OSBP2: variants seen among roughly 807,000 people sequenced by gnomAD.
OSBP2 encodes oxysterol binding protein 2.
Under a neutral mutation model 96.0 loss-of-function variants are expected in OSBP2, and 66 were observed. The ratio of observed to expected loss-of-function variants is 0.69; its 90% CI spans 0.56 to 0.84. The LOEUF is 0.84. Ranked by LOEUF, OSBP2 falls within the 40% of genes least tolerant of loss-of-function variation. The probability of loss-of-function intolerance (pLI) is 0.00; values close to 1 mark genes in which losing one functional copy is unlikely to be tolerated. For synonymous variants in OSBP2, 525 were observed against 520.9 expected (o/e 1.01, Z -0.11); for missense variants, 1,038 against 1,222.7 (o/e 0.85, Z 2.25).
In OSBP2 at chr22:30,881,979, G is replaced by C. The variant is rs1231817235; in HGVS notation, c.1108-5447G>C. ...AGGTGACTGTGACACTCTACGACCT[G>C]CATGTGCCCAGCCTAGGCACATGTA... On this transcript the variant is annotated intron_variant, in intron 3 of 13. Coordinates refer to ENST00000332585, the MANE Select transcript of OSBP2 (RefSeq NM_030758.4). This position sits in a 1 kb window ranked among gnomAD's most constrained non-coding sequence, Gnocchi z 4.5. 6.6e-6 allele frequency among the ~76,000 whole-genome samples: 1 copy of C among 152,168 alleles called. No homozygotes were observed. Among genetic ancestry groups the C allele is most frequent in the Admixed American group, 6.5e-5 (1 of 15,290 alleles).
chr22:30,790,653 TAAAA>T (rs136297), intron 2 of OSBP2, among the ~76,000 whole-genome samples: 4 of 136,956 alleles, frequency 2.9e-5, no homozygotes, highest in Non-Finnish European at 3.1e-5. Flanking sequence ...CAAACTGCAT[TAAAA>T]AAAAAAAAAA....
At chr22:30,813,568 T>A (rs1178367200) in intron 2 of OSBP2, among the ~76,000 whole-genome samples, 1 of 152,092 alleles carries the variant, frequency 6.6e-6, no homozygotes, top group Non-Finnish European at 1.5e-5. Context: ...GCAAGCTATA[T>A]AGCCATGCTG....
chr22:30,813,963 CA>C (rs1250556411), intron 2 of OSBP2, among the ~76,000 whole-genome samples: 1 of 151,896 alleles, frequency 6.6e-6, no homozygotes, highest in Non-Finnish European at 1.5e-5. Flanking sequence ...CCATCACGTC[CA>C]GCAAATTTTT....
intron 2 of OSBP2, among the ~76,000 whole-genome samples, chr22:30,805,673 T>TGTTCAAACTGTGAA (rs1442290177): frequency 3.3e-5 from 5 of 152,210 alleles, no homozygotes; most frequent in Non-Finnish European, 7.3e-5. Context: ...TTTGTGTTTA[T>TGTTCAAACTGTGAA]GTTCAAACTG....
chr22:30,705,712 G>T (rs1279094700), intron 1 of OSBP2, among the ~76,000 whole-genome samples: 1 of 152,172 alleles, frequency 6.6e-6, no homozygotes, highest in East Asian at 1.9e-4. Context: ...CTGACAAGAA[G>T]TCTGAAACGT....
intron 1 of OSBP2, among the ~76,000 whole-genome samples, chr22:30,721,133 A>T (rs755774110): frequency 6.6e-6 from 1 of 152,116 alleles, no homozygotes; most frequent in Non-Finnish European, 1.5e-5. Flanking sequence ...AGGCTGAGGC[A>T]GGAGAATTGC....
At chr22:30,874,295 C>G (rs929076538) in intron 3 of OSBP2, among the ~76,000 whole-genome samples, 1 of 151,332 alleles carries the variant, frequency 6.6e-6, no homozygotes, top group Non-Finnish European at 1.5e-5. Flanking sequence ...TCTTGTAGTC[C>G]CAGCTACTCA....
intron 1 of OSBP2, among the ~76,000 whole-genome samples, chr22:30,739,071 C>T (rs1419898657): frequency 3.9e-5 from 6 of 152,132 alleles, no homozygotes; most frequent in East Asian, 1.9e-4. Context: ...TTTATTATGT[C>T]GTAGGGGTTC....
intron 2 of OSBP2, among the ~76,000 whole-genome samples, chr22:30,819,490 C>G (rs1006861010): frequency 2.0e-5 from 3 of 152,204 alleles, no homozygotes; most frequent in African/African-American, 7.2e-5. Context: ...TCAGTCTCTT[C>G]GGCTTCCTTG....
intron 3 of OSBP2, among the ~76,000 whole-genome samples, chr22:30,883,130 G>A (rs1042402026): frequency 5.9e-5 from 9 of 152,352 alleles, no homozygotes; most frequent in Middle Eastern, 6.8e-3. Context: ...AGGGATGAGG[G>A]AGGGCGGGGC....
At chr22:30,822,311 G>A (rs1468943690) in intron 2 of OSBP2, among the ~76,000 whole-genome samples, 1 of 152,242 alleles carries the variant, frequency 6.6e-6, no homozygotes, top group Non-Finnish European at 1.5e-5. Context: ...ATTGAAGTGG[G>A]GAGCCTGCAT....
chr22:30,727,242 G>A (rs136370), intron 1 of OSBP2, among the ~76,000 whole-genome samples: 129,607 of 152,194 alleles, frequency 0.85, 55,328 homozygotes, highest in East Asian at 0.98. Flanking sequence ...GGCTCCTAAC[G>A]GTGTCCCCTT....
chr22:30,797,937 C>G (rs536165322), intron 2 of OSBP2, among the ~76,000 whole-genome samples: 1 of 152,296 alleles, frequency 6.6e-6, no homozygotes, highest in East Asian at 1.9e-4. Flanking sequence ...CTTTGAGACC[C>G]TGGTATATGC....
At chr22:30,763,120 C>A (rs2145775792) in intron 2 of OSBP2, among the ~76,000 whole-genome samples, 1 of 152,290 alleles carries the variant, frequency 6.6e-6, no homozygotes, top group South Asian at 2.1e-4. Flanking sequence ...CTTAGAGGTG[C>A]TGTGAGGATT....
At chr22:30,729,967 G>T (rs1569099689) in intron 1 of OSBP2, among the ~76,000 whole-genome samples, 1 of 151,008 alleles carries the variant, frequency 6.6e-6, no homozygotes, top group Admixed American at 6.6e-5. Context: ...GTTTTTTGGG[G>T]TTTTTTTTTG....
Position 30,776,569 on chromosome 22 carries a change from G to A in OSBP2, c.853+35200G>A, listed in dbSNP as rs2090440798. Among the ~76,000 whole-genome samples, 3 of 152,128 alleles carry A rather than the reference G, an allele frequency of 2.0e-5. No individual in the cohort carries two copies. The South Asian group carries it at 6.2e-4, about 32-fold the overall frequency. ...TTCTCTACTATCAACAGAAGGCACTGGGACAAGCATTTCTGTGCTCACTTT... is the reference window on the plus strand; with the variant it reads ...TTCTCTACTATCAACAGAAGGCACTAGGACAAGCATTTCTGTGCTCACTTT... On this transcript the variant is annotated intron_variant, in intron 2 of 13. Coordinates refer to ENST00000332585, the MANE Select transcript of OSBP2 (RefSeq NM_030758.4).
intron 2 of OSBP2, among the ~76,000 whole-genome samples, chr22:30,766,604 C>CA (rs2090273619): frequency 6.6e-6 from 1 of 152,170 alleles, no homozygotes; most frequent in Non-Finnish European, 1.5e-5. Flanking sequence ...CTAAACCCTC[C>CA]AAAAAGCAGA....
chr22:30,787,828 C>T (rs1602264113), intron 2 of OSBP2, among the ~76,000 whole-genome samples: 1 of 152,108 alleles, frequency 6.6e-6, no homozygotes, highest in South Asian at 2.1e-4. Context: ...CACTGGCTCT[C>T]GAGTATCAAA....
intron 1 of OSBP2, among the ~76,000 whole-genome samples, chr22:30,696,619 T>C (rs2089041676): frequency 1.3e-5 from 2 of 152,192 alleles, no homozygotes; most frequent in African/African-American, 4.8e-5. Flanking sequence ...CAGCCAACAG[T>C]ATCCCTTCAA....
Sources: gnomAD v4.1 joint callset for allele counts (sites outside exome capture counted in the v4.1 genomes callset) on GRCh38, gnomAD v4.1.1 for gene constraint, Gnocchi (gnomAD v3.1) non-coding constraint, MANE v1.5 for transcripts, NCBI Gene and HGNC (gene_info 2026-07-23, HGNC 2026-07-21) for gene names.